The following TNKS2 variants were observed in gnomAD, a reference collection of about 807,000 sequenced individuals.
The protein encoded by TNKS2 is poly [ADP-ribose] polymerase tankyrase-2.
Under a neutral mutation model 137.6 loss-of-function variants are expected in TNKS2, and 72 were observed. The observed-to-expected ratio is 0.52, with a 90% CI of 0.43 to 0.64. TNKS2 has a LOEUF of 0.64. TNKS2 is among the 30% of genes least tolerant of loss of function. The probability of loss-of-function intolerance (pLI) is 0.00; values close to 1 mark genes in which losing one functional copy is unlikely to be tolerated. For synonymous variants in TNKS2, 516 were observed against 512.1 expected (o/e 1.01, Z -0.10); for missense variants, 1,049 against 1,410.2 (o/e 0.74, Z 4.10).
rs199712086 is a variant in TNKS2 at position 91,854,981 on chromosome 10, A to G, written c.2816-48A>G. 238 of 1,044,268 alleles carry G rather than the reference A, an allele frequency of 2.3e-4. 3 individuals carry two copies. The East Asian group carries it at 5.6e-3, about 24-fold the overall frequency. The allele number at this position is 1,044,268 out of a possible 1,614,324, so 64.7% of individuals were successfully genotyped here. On this transcript the variant is annotated intron_variant, in intron 21 of 26. Transcript: ENST00000371627. Reference sequence around the variant, plus strand: ...GTGGTTATTTTTGGTTTTGATGTTCATTGTTTATTGGCAATTTATTTTTCT... The same window carrying G: ...GTGGTTATTTTTGGTTTTGATGTTCGTTGTTTATTGGCAATTTATTTTTCT...
At chr10:91,854,939 A>G (rs1351786007) in intron 21 of TNKS2, 90 bp from the exon 22 acceptor site, 5 of 683,998 alleles carry the variant, frequency 7.3e-6, no homozygotes, top group Non-Finnish European at 1.2e-5. Context: ...ATTGGTAGTA[A>G]GAATCAGAAA....
At chr10:91,805,856 T>A (rs932947642) in intron 1 of TNKS2, among the ~76,000 whole-genome samples, 4 of 152,132 alleles carry the variant, frequency 2.6e-5, no homozygotes. Flanking sequence ...AGGTGGGTGC[T>A]AAGTGGTTGG....
intron 17 of TNKS2, 141 bp downstream of exon 17, chr10:91,845,169 A>G (rs1842332657): frequency 3.0e-6 from 2 of 665,328 alleles, no homozygotes; most frequent in East Asian, 2.7e-5. Flanking sequence ...ATAACTTCCA[A>G]ATTTCGGTTC....
chr10:91,814,481 G>A (rs185455530), intron 2 of TNKS2, among the ~76,000 whole-genome samples: 17 of 152,310 alleles, frequency 1.1e-4, no homozygotes, highest in African/African-American at 4.1e-4. Context: ...TAAGTGTGCA[G>A]TGTTTATGTA....
chr10:91,807,258 T>G (rs1263208251), intron 1 of TNKS2: 6 of 1,609,248 alleles, frequency 3.7e-6, no homozygotes, highest in Non-Finnish European at 5.1e-6. Context: ...TTTCTCAATC[T>G]TCTTTACATC....
intron 6 of TNKS2, among the ~76,000 whole-genome samples, chr10:91,820,314 T>C (rs1258731829): frequency 2.0e-5 from 3 of 151,770 alleles, no homozygotes; most frequent in African/African-American, 7.3e-5. Context: ...ACTGCAGGAG[T>C]TCCCAGGAAG....
chr10:91,811,071 C>T (rs926203388), intron 1 of TNKS2, among the ~76,000 whole-genome samples: 2 of 150,928 alleles, frequency 1.3e-5, no homozygotes, highest in African/African-American at 2.4e-5. Context: ...ATTACAGGCA[C>T]GCGCCACCAC....
intron 24 of TNKS2, 50 bp downstream of exon 24, chr10:91,857,580 T>C (rs1842745111): frequency 7.9e-7 from 1 of 1,265,842 alleles, no homozygotes; most frequent in Non-Finnish European, 1.1e-6. Context: ...ATTAGGATAG[T>C]TTTTTTGTTC....
At chr10:91,833,237 C>A (rs1057211955) in intron 11 of TNKS2, among the ~76,000 whole-genome samples, 1 of 152,178 alleles carries the variant, frequency 6.6e-6, no homozygotes, top group African/African-American at 2.4e-5. Context: ...TTTTTTCTGA[C>A]ATAAAAGTGC....
rs1450844686 is a variant in TNKS2, at chr10:91,798,672, T to C, written c.-19T>C. 3 of 1,223,430 alleles carry C rather than the reference T, an allele frequency of 2.5e-6. No homozygotes were observed. The highest frequency in any genetic ancestry group is 3.1e-6 in the Non-Finnish European group (3 of 980,480). 75.8% of individuals were successfully genotyped at this position (1,223,430 alleles called of 1,614,324 possible). A position where few individuals can be genotyped will look rare whatever the true frequency, so the allele number is the denominator to read the frequency against. On this transcript the variant is annotated 5_prime_UTR_variant, in exon 1 of 27. Transcript: ENST00000371627. ...TCCGGTTGCTGGCGCTGTTGCTGGC[T>C]GTGGCGGCGGCCAGGATCATGTCGG...
intron 2 of TNKS2, among the ~76,000 whole-genome samples, chr10:91,816,105 T>C (rs6583788): frequency 0.19 from 28,892 of 151,786 alleles, 2,853 homozygotes; most frequent in Middle Eastern, 0.28. Context: ...CCCGCCACCA[T>C]GCCCAGCTAG....
intron 2 of TNKS2, among the ~76,000 whole-genome samples, chr10:91,814,921 G>A (rs1330227642): frequency 6.6e-6 from 1 of 152,158 alleles, no homozygotes; most frequent in Admixed American, 6.5e-5. Context: ...GGACTGGGTA[G>A]GATGGATGGC....
At chr10:91,813,289 A>T in intron 2 of TNKS2, 82 bp downstream of exon 2, 1 of 1,139,830 alleles carries the variant, frequency 8.8e-7, no homozygotes, top group Non-Finnish European at 1.3e-6. Context: ...CATATCATCA[A>T]ATTATGTCAA....
chr10:91,806,493 T>A (rs1844330091), intron 1 of TNKS2, among the ~76,000 whole-genome samples: 1 of 152,118 alleles, frequency 6.6e-6, no homozygotes, highest in African/African-American at 2.4e-5. Context: ...ATCATTCCAT[T>A]CATACACTCA....
intron 20 of TNKS2, among the ~76,000 whole-genome samples, 200 bp downstream of exon 20, chr10:91,849,794 A>G (rs1178626203): frequency 6.6e-6 from 1 of 152,198 alleles, no homozygotes; most frequent in Admixed American, 6.5e-5. Context: ...TCGAGTAGTA[A>G]TGGTAAAGTA....
Position 91,863,121 on chromosome 10 carries a change from A to G in TNKS2, c.*122A>G. On this transcript the variant is annotated 3_prime_UTR_variant, in exon 27 of 27. Coordinates refer to ENST00000371627, the MANE Select transcript of TNKS2 (RefSeq NM_025235.4). ...CCCACAGGCCTGTGGCAAAAGGATA[A>G]AAATGTGAACGAAGTTTAACATTCT... The G allele has an allele frequency of 1.6e-6, 1 of 629,620 alleles. No homozygotes were observed. The highest frequency in any genetic ancestry group is 2.2e-5 in the South Asian group (1 of 44,796). 39.0% of individuals were successfully genotyped at this position (629,620 alleles called of 1,614,324 possible). A position where few individuals can be genotyped will look rare whatever the true frequency, so the allele number is the denominator to read the frequency against.
chr10:91,823,268 C>T (rs1844958505), intron 7 of TNKS2, among the ~76,000 whole-genome samples: 1 of 151,392 alleles, frequency 6.6e-6, no homozygotes, highest in African/African-American at 2.4e-5. Context: ...GTTTAACAAA[C>T]AGGTTCCCAA....
chr10:91,833,009 C>T (rs895865766), intron 11 of TNKS2, among the ~76,000 whole-genome samples: 1 of 152,142 alleles, frequency 6.6e-6, no homozygotes, highest in Admixed American at 6.6e-5. Flanking sequence ...CTAAATACTT[C>T]CACATGCACA....
chr10:91,819,203 CT>C, intron 3 of TNKS2, 66 bp from the exon 4 acceptor site: 1 of 954,000 alleles, frequency 1.0e-6, no homozygotes, highest in Non-Finnish European at 1.5e-6. Context: ...CATTGGGCAT[CT>C]TTTTGCATAA....
Sources: allele counts gnomAD v4.1 joint callset (sites outside exome capture counted in the v4.1 genomes callset), GRCh38; gene constraint gnomAD v4.1.1; transcripts MANE v1.5; gene names NCBI Gene and HGNC (gene_info 2026-07-23, HGNC 2026-07-21).